The following NCKAP5 variants were observed in gnomAD, a reference collection of about 807,000 sequenced individuals.
NCKAP5 encodes NCK associated protein 5.
A neutral mutation model predicts 167.0 loss-of-function variants in NCKAP5; 92 were observed. The ratio of observed to expected loss-of-function variants is 0.55; its 90% CI spans 0.47 to 0.66. The LOEUF is 0.66. Among genes scored for constraint, NCKAP5 ranks in the 30% least tolerant of loss-of-function variants. NCKAP5 has a pLI of 0.00. For synonymous variants in NCKAP5, 891 were observed against 877.4 expected (o/e 1.02, Z -0.27); for missense variants, 2,378 against 2,315.0 (o/e 1.03, Z -0.56).
chr2:132,774,447 G>A (rs1427871720), intron 15 of NCKAP5, among the ~76,000 whole-genome samples: 2 of 151,992 alleles, frequency 1.3e-5, no homozygotes, highest in Non-Finnish European at 2.9e-5. Flanking sequence ...TGTATGATCA[G>A]TGAACCAGAG....
At chr2:133,372,383 A>G (rs997757081) in intron 3 of NCKAP5, among the ~76,000 whole-genome samples, 6 of 152,202 alleles carry the variant, frequency 3.9e-5, no homozygotes, top group African/African-American at 1.4e-4. Context: ...CATGGGAAAA[A>G]TAGAACTATG....
intron 6 of NCKAP5, among the ~76,000 whole-genome samples, chr2:133,064,517 A>C (rs183718305): frequency 6.6e-6 from 1 of 152,356 alleles, no homozygotes. Flanking sequence ...ATTAAGAAAA[A>C]GTGTTAAAGA....
intron 11 of NCKAP5, among the ~76,000 whole-genome samples, chr2:132,837,266 T>C (rs1687957907): frequency 6.6e-6 from 1 of 152,208 alleles, no homozygotes; most frequent in African/African-American, 2.4e-5. Context: ...ACAGGCTTTT[T>C]CAACCTGAAT....
At chr2:133,517,674 A>G (rs1263211093) in intron 2 of NCKAP5, 87 bp from the exon 3 acceptor site, 1 of 436,182 alleles carries the variant, frequency 2.3e-6, no homozygotes, top group African/African-American at 2.0e-5. Context: ...ACAAGCATTG[A>G]AGTCAAAAAA....
rs536556255 is a variant in NCKAP5 at position 133,393,067 on chromosome 2, C to T, written c.70-89957G>A. Among the ~76,000 whole-genome samples, 82 of 152,282 alleles carry T rather than the reference C, an allele frequency of 5.4e-4. 1 individual carries two copies. Among genetic ancestry groups the T allele is most frequent in the South Asian group, 4.1e-4 (2 of 4,824 alleles). ...GTTTGCTGAATCAAGAGCCACTGAC[C>T]GATTTGACAGCTCCATATTCAAACT... On this transcript the variant is annotated intron_variant, in intron 3 of 19. Coordinates refer to ENST00000409261, the MANE Select transcript of NCKAP5 (RefSeq NM_207363.3).
chr2:133,595,876 A>T, the NCKAP5 span, among the ~76,000 whole-genome samples: 51,140 of 152,120 alleles, frequency 0.34, 10,001 homozygotes, highest in Middle Eastern at 0.53. Context: ...TCATGTCATA[A>T]AATACTGTCC....
intron 6 of NCKAP5, 59 bp downstream of exon 6, chr2:133,129,919 G>A (rs749562887): frequency 2.1e-5 from 32 of 1,495,134 alleles, no homozygotes; most frequent in Non-Finnish European, 2.8e-5. Context: ...AATCCAAGGT[G>A]TTACTGGTGC....
intron 6 of NCKAP5, among the ~76,000 whole-genome samples, chr2:133,008,351 T>G (rs2078038136): frequency 6.6e-6 from 1 of 152,192 alleles, no homozygotes; most frequent in Non-Finnish European, 1.5e-5. Flanking sequence ...GCATTCCCTC[T>G]GGTCCGGAAA....
the NCKAP5 span, among the ~76,000 whole-genome samples, chr2:133,656,247 C>A: frequency 6.6e-6 from 1 of 150,396 alleles, no homozygotes; most frequent in South Asian, 2.1e-4. Flanking sequence ...GCCTAAAATG[C>A]CTCGTGGAAA....
intron 17 of NCKAP5, 70 bp from the exon 18 acceptor site, chr2:132,729,022 G>A: frequency 3.2e-6 from 5 of 1,579,862 alleles, no homozygotes; most frequent in Non-Finnish European, 4.3e-6. Flanking sequence ...AGGGAAGGAG[G>A]TGGGGGAGAC....
chr2:133,600,121 G>T, the NCKAP5 span, among the ~76,000 whole-genome samples: 19 of 152,210 alleles, frequency 1.2e-4, no homozygotes, highest in African/African-American at 3.9e-4. Context: ...ATTCGAGGAT[G>T]TGCTCAGAAA....
chr2:133,110,303 T>C (rs1237849948), intron 6 of NCKAP5, among the ~76,000 whole-genome samples: 1 of 152,222 alleles, frequency 6.6e-6, no homozygotes, highest in Non-Finnish European at 1.5e-5. Flanking sequence ...GGATTATTTC[T>C]AAAATCAGCA....
At chr2:133,609,296 G>A in the NCKAP5 span, among the ~76,000 whole-genome samples, 39 of 152,220 alleles carry the variant, frequency 2.6e-4, no homozygotes, top group African/African-American at 7.5e-4. Flanking sequence ...ATATCTCCAC[G>A]CTAGTATAGA....
chr2:133,016,017 G>T (rs1469532838), intron 6 of NCKAP5, among the ~76,000 whole-genome samples: 2 of 150,864 alleles, frequency 1.3e-5, no homozygotes, highest in African/African-American at 4.9e-5. Flanking sequence ...GTGGCTGTGA[G>T]TACTGGCATG....
intron 4 of NCKAP5, among the ~76,000 whole-genome samples, chr2:133,246,579 A>T (rs951108026): frequency 1.3e-5 from 2 of 152,180 alleles, no homozygotes; most frequent in African/African-American, 4.8e-5. Flanking sequence ...AATACATACA[A>T]TGGCTGCCTC....
chr2:133,166,424 T>C (rs1170590247), intron 5 of NCKAP5, among the ~76,000 whole-genome samples: 1 of 152,220 alleles, frequency 6.6e-6, no homozygotes, highest in African/African-American at 2.4e-5. Flanking sequence ...TTATATTCCC[T>C]AGAGTGGTTA....
At chr2:132,960,271 T>G (rs1384324918) in intron 8 of NCKAP5, among the ~76,000 whole-genome samples, 3 of 151,840 alleles carry the variant, frequency 2.0e-5, no homozygotes, top group Non-Finnish European at 4.4e-5. Flanking sequence ...GCCCATGACA[T>G]GGCATGCAGA....
At chr2:133,663,821 C>A in the NCKAP5 span, among the ~76,000 whole-genome samples, 1 of 152,128 alleles carries the variant, frequency 6.6e-6, no homozygotes, top group African/African-American at 2.4e-5. Context: ...TCAACTTCTT[C>A]CAAACTCCTG....
At chr2:132,845,192 T>G (rs942617835) in intron 11 of NCKAP5, among the ~76,000 whole-genome samples, 2 of 152,172 alleles carry the variant, frequency 1.3e-5, no homozygotes. Flanking sequence ...TGGAATTACA[T>G]GCTTCCTGTT....
Sources: gnomAD v4.1 joint callset for allele counts (sites outside exome capture counted in the v4.1 genomes callset) on GRCh38, gnomAD v4.1.1 for gene constraint, MANE v1.5 for transcripts, NCBI Gene and HGNC (gene_info 2026-07-23, HGNC 2026-07-21) for gene names.